Variants in CCDC157 observed in about 807,000 individuals in gnomAD.
The protein encoded by CCDC157 is coiled-coil domain-containing protein 157.
Under a neutral mutation model 70.9 loss-of-function variants are expected in CCDC157, and 60 were observed. The observed-to-expected ratio is 0.85, with a 90% confidence interval of 0.69 to 1.05. CCDC157 has a LOEUF of 1.05. Among genes scored for constraint, CCDC157 ranks in the 50% least tolerant of loss-of-function variants. CCDC157 has a pLI of 0.00. For missense variants in CCDC157, 943 were observed against 984.2 expected (o/e 0.96, Z 0.56); for synonymous variants, 373 against 422.4 (o/e 0.88, Z 1.43).
Position 30,373,719 on chromosome 22 carries a change from G to A in CCDC157, c.1458G>A (p.Leu486=). 5.2e-6 allele frequency: 8 copies of A among 1,553,316 alleles called. No homozygotes were observed. The highest frequency in any genetic ancestry group is 6.1e-6 in the Non-Finnish European group (7 of 1,148,846). The change falls in exon 8 of 12, where the codon CTG becomes CTA. Residue 486 remains leucine (L), a synonymous_variant. Coordinates refer to ENST00000338306, the MANE Select transcript of CCDC157 (RefSeq NM_001017437.5). The part of the protein sequence containing the change: ...EAQRARVEEQ[L]QSEREQGQCQ... ...AGCGGGCCCGCGTGGAGGAGCAGCT[G>A]CAGAGCGAGCGGGAGCAGGGGCAAT... is the stretch of plus-strand genomic sequence containing the variant.
At position 30,376,241 on chromosome 22, in the gene CCDC157, T is replaced by TTTA; in HGVS notation, c.1858-16_1858-15insATT. 1 of 1,189,790 alleles carries TTTA rather than the reference T, an allele frequency of 8.4e-7. No individual in the cohort carries two copies. The highest frequency in any genetic ancestry group is 1.2e-6 in the Non-Finnish European group (1 of 868,746). 73.7% of individuals were successfully genotyped at this position (1,189,790 alleles called of 1,614,324 possible). ...CTCCTGGGCCCTTATAAGACTGGCT[T>TTTA]TTTTTTTTTTTTTGTAGCTGATCCC... On this transcript the variant is annotated splice_polypyrimidine_tract_variant and intron_variant, in intron 10 of 11. Transcript: ENST00000338306.
intron 7 of CCDC157, chr22:30,373,357 A>G: frequency 3.8e-6 from 2 of 529,478 alleles, no homozygotes; most frequent in Admixed American, 3.5e-5. Flanking sequence ...CTGCGTTCCA[A>G]GGGCCGGGGT....
Position 30,378,092 on chromosome 22 carries a change from C to T in CCDC157, c.*1347C>T, listed in dbSNP as rs1235381495. 3 of 471,064 alleles carry T rather than the reference C, an allele frequency of 6.4e-6. No individual in the cohort carries two copies. Among genetic ancestry groups the T allele is most frequent in the South Asian group, 4.6e-5 (3 of 64,572 alleles). 29.2% of individuals were successfully genotyped at this position (471,064 alleles called of 1,614,324 possible). On this transcript the variant is annotated 3_prime_UTR_variant, in exon 12 of 12. Transcript: ENST00000338306. ...GCTGGCTGGCTGTAAGCCAGGTCCT[C>T]TCACGGCTCCTAGAGGCCGTCCACC...
In CCDC157 at chr22:30,369,548, G is replaced by A. The variant is rs753449486; in HGVS notation, c.365G>A (p.Arg122His). The A allele has an allele frequency of 5.0e-6, 8 of 1,602,968 alleles. No homozygotes were observed. Among genetic ancestry groups the A allele is most frequent in the East Asian group, 4.6e-5 (2 of 43,866 alleles). Residue 122 changes from arginine (R) to histidine (H), a missense_variant, in exon 4 of 12, where the codon CGC becomes CAC. By Grantham distance (29) the Arg-to-His change is conservative (BLOSUM62 0). Transcript: ENST00000338306. ...PCMSVGLTVR[R>H]FWDSLLRLGT... is the part of the protein sequence containing the mutation. ...ATGTCCGTGGGGCTCACGGTGCGGC[G>A]CTTCTGGGACAGCCTGCTGAGGCTG...
intron 2 of CCDC157, among the ~76,000 whole-genome samples, 180 bp downstream of exon 2, chr22:30,362,294 T>C (rs1029909545): frequency 6.6e-6 from 1 of 152,190 alleles, no homozygotes; most frequent in African/African-American, 2.4e-5. Flanking sequence ...TCTCAAATAA[T>C]GATTCCATTC....
Position 30,357,035 on chromosome 22 carries a change from G to GC in CCDC157, c.-262dup. On this transcript the variant is annotated 5_prime_UTR_variant, in exon 1 of 12. Transcript: ENST00000338306. ...GCCAAGGCAGCGGCCTGAGCGCCCG[G>GC]CTAGGGCTTTTCGGGGATCCCGGTG... 2 of 383,910 alleles carry GC rather than the reference G, an allele frequency of 5.2e-6. No individual in the cohort carries two copies. The highest frequency in any genetic ancestry group is 9.2e-6 in the Non-Finnish European group (2 of 217,616). The allele number at this position is 383,910 out of a possible 1,614,324, so 23.8% of individuals were successfully genotyped here.
chr22:30,373,870 T>A, intron 8 of CCDC157, 53 bp from the exon 9 acceptor site: 1 of 1,566,984 alleles, frequency 6.4e-7, no homozygotes, highest in Non-Finnish European at 8.7e-7. Flanking sequence ...CCCAGGGCGC[T>A]GAGTACCATG....
rs748522476 is a variant in CCDC157 at position 30,376,601 on chromosome 22, C to T, written c.2115C>T (p.Pro705=). ...CATCTCGGCAGCCCTGCAGCCAGCC[C>T]AGCAAGTCCTTGCTGGAGGGTGTGA... ...TSPSRQPCSQ[P]SKSLLEGVTH... Residue 705 remains proline (P), a synonymous_variant, in exon 12 of 12, where the codon CCC becomes CCT. Coordinates refer to ENST00000338306, the MANE Select transcript of CCDC157 (RefSeq NM_001017437.5). The T allele has an allele frequency of 8.1e-6, 13 of 1,613,010 alleles. No individual in the cohort carries two copies. Among genetic ancestry groups the T allele is most frequent in the Non-Finnish European group, 9.3e-6 (11 of 1,179,828 alleles).
chr22:30,374,895 G>T, intron 9 of CCDC157: 1 of 267,786 alleles, frequency 3.7e-6, no homozygotes, highest in Non-Finnish European at 6.7e-6. Context: ...GCTGTAGCCT[G>T]TCCAAAACGG....
rs781525610 is a variant in CCDC157, at chr22:30,369,561, C to G, written c.378C>G (p.Ser126Arg). The change falls in exon 4 of 12, where the codon AGC becomes AGG. Residue 126 changes from serine to arginine, a missense_variant. Transcript: ENST00000338306. ...VGLTVRRFWD[S>R]LLRLGTLHQQ... ...TCACGGTGCGGCGCTTCTGGGACAGCCTGCTGAGGCTGGGCACGCTCCACC... is the reference window on the plus strand; with the variant it reads ...TCACGGTGCGGCGCTTCTGGGACAGGCTGCTGAGGCTGGGCACGCTCCACC... The G allele has an allele frequency of 8.1e-6, 13 of 1,597,766 alleles. No individual in the cohort carries two copies. The highest frequency in any genetic ancestry group is 3.3e-5 in the South Asian group (3 of 89,722).
intron 4 of CCDC157, chr22:30,370,026 A>G (rs1932864917): frequency 5.8e-6 from 3 of 517,656 alleles, no homozygotes; most frequent in African/African-American, 1.9e-5. Flanking sequence ...TCCAGTAAGC[A>G]AGAGCCCAGT....
intron 9 of CCDC157, 77 bp downstream of exon 9, chr22:30,374,168 T>C (rs4820840): frequency 0.11 from 170,645 of 1,492,574 alleles, 11,030 homozygotes; most frequent in Non-Finnish European, 0.13. Context: ...GGCAGGACAC[T>C]GGGGACTGCA....
intron 1 of CCDC157, among the ~76,000 whole-genome samples, chr22:30,357,542 T>A (rs949769861): frequency 6.6e-6 from 1 of 152,158 alleles, no homozygotes; most frequent in African/African-American, 2.4e-5. Context: ...TCTTGCTCTG[T>A]CACCCAGGCT....
chr22:30,356,762 G>C (rs762353088), upstream of CCDC157: 3 of 1,482,986 alleles, frequency 2.0e-6, no homozygotes, highest in Admixed American at 2.2e-5. Context: ...GGCGGCGGCG[G>C]GGGCACCGCC....
At chr22:30,374,548 G>A (rs1369929571) in intron 9 of CCDC157, 1 of 458,942 alleles carries the variant, frequency 2.2e-6, no homozygotes, top group Non-Finnish European at 4.4e-6. Context: ...CTTGGCACAG[G>A]ATTGGATATC....
chr22:30,373,350 C>T (rs1342718346), intron 7 of CCDC157: 5 of 521,922 alleles, frequency 9.6e-6, no homozygotes, highest in East Asian at 3.4e-5. Context: ...CAGCCATCTG[C>T]GTTCCAAGGG....
At chr22:30,365,828 T>G in intron 2 of CCDC157, 162 bp from the exon 3 acceptor site, 3 of 668,184 alleles carry the variant, frequency 4.5e-6, no homozygotes, top group South Asian at 1.9e-5. Flanking sequence ...CAGAACCGGG[T>G]CGGAAAGGCC....
chr22:30,364,058 A>G (rs1433393129), intron 2 of CCDC157, among the ~76,000 whole-genome samples: 1 of 152,216 alleles, frequency 6.6e-6, no homozygotes, highest in Non-Finnish European at 1.5e-5. Context: ...TGAGAGGCCA[A>G]GCCTTTCAGA....
chr22:30,371,963 TTG>T lies in CCDC157; in HGVS notation c.1124-109_1124-108del, dbSNP rs531291137. 1.2e-4 allele frequency: 102 copies of T among 822,792 alleles called. No homozygotes were observed. The African/African-American group carries it at 1.6e-3, about 13-fold the overall frequency. 51.0% of individuals were successfully genotyped at this position (822,792 alleles called of 1,614,324 possible). On this transcript the variant is annotated intron_variant, in intron 6 of 11. Coordinates refer to ENST00000338306, the MANE Select transcript of CCDC157 (RefSeq NM_001017437.5). ...CTCAGGTGGGGTCTAGAGCCCCATT[TTG>T]TGGCTGAGGACTCTGAGGCCCAGAG...
Sources: allele counts gnomAD v4.1 joint callset (sites outside exome capture counted in the v4.1 genomes callset), GRCh38; gene constraint gnomAD v4.1.1; transcripts MANE v1.5; gene names NCBI Gene and HGNC (gene_info 2026-07-23, HGNC 2026-07-21).